Variants in UBE4A observed in about 807,000 individuals in gnomAD.
UBE4A encodes the protein ubiquitination factor E4A.
UBE4A carries 48 observed loss-of-function variants against 117.9 expected under a neutral mutation model. That is an observed-to-expected ratio of 0.41 (90% confidence interval 0.32 to 0.52). The LOEUF (loss-of-function observed/expected upper bound fraction) is 0.52. Ranked by LOEUF, UBE4A falls within the 20% of genes least tolerant of loss-of-function variation. The probability of loss-of-function intolerance (pLI) is 0.33; values close to 1 mark genes in which losing one functional copy is unlikely to be tolerated. For synonymous variants in UBE4A, 407 were observed against 450.0 expected (o/e 0.90, Z 1.21); for missense variants, 1,067 against 1,296.3 (o/e 0.82, Z 2.72).
Position 118,379,449 on chromosome 11 carries a change from G to T in UBE4A, c.1575G>T (p.Leu525Phe). The change falls in exon 11 of 20, where the codon TTG becomes TTT. Residue 525 changes from leucine (L) to phenylalanine (F), a missense_variant. By Grantham distance (22) the Leu-to-Phe change is conservative. This residue lies in a region of UBE4A where 1,001 missense variants were observed against 1,184.0 expected (regional missense o/e 0.85). Transcript: ENST00000252108. ...EYTLYLGFHR[L>F]HDQMVKINQN... ...TCTTCTGCTTTCTTGGGGGCAGGTT[G>T]CATGATCAGATGGTAAAAATCAACC... 5 of 1,611,302 alleles carry T rather than the reference G, an allele frequency of 3.1e-6. No homozygotes were observed. Among genetic ancestry groups the T allele is most frequent in the Non-Finnish European group, 4.2e-6 (5 of 1,178,086 alleles).
At chr11:118,396,233 G>C in intron 19 of UBE4A, 81 bp from the exon 20 acceptor site, 4 of 1,514,342 alleles carry the variant, frequency 2.6e-6, no homozygotes, top group Non-Finnish European at 3.5e-6. Context: ...CTTAAGATGC[G>C]ACGCCCAGGT....
Position 118,369,466 on chromosome 11 carries a change from T to C in UBE4A, c.339T>C (p.Cys113=), listed in dbSNP as rs764524585. 2.5e-6 allele frequency: 4 copies of C among 1,614,062 alleles called. No homozygotes were observed. The highest frequency in any genetic ancestry group is 1.7e-6 in the Non-Finnish European group (2 of 1,180,024). The part of the protein sequence containing the change: ...LKSGNGIPSR[C]VYLEEMAVEL... ...GCGGGAATGGCATCCCTAGCCGTTG[T>C]GTGTATTTGGAAGAAATGGCAGTAG... Residue 113 remains cysteine (C), a synonymous_variant, in exon 4 of 20, where the codon TGT becomes TGC. Coordinates refer to ENST00000252108, the MANE Select transcript of UBE4A (RefSeq NM_001204077.2).
rs1948639246 is a variant in UBE4A, at chr11:118,375,045, A to G, written c.1266A>G (p.Pro422=). ...GRTKIWANQM[P]EIFFQMYASD... Reference sequence around the variant, plus strand: ...CCAAGATTTGGGCCAATCAGATGCCAGAAATCTTTTTCCAAATGTATGCCT... The same window carrying G: ...CCAAGATTTGGGCCAATCAGATGCCGGAAATCTTTTTCCAAATGTATGCCT... Residue 422 remains proline (P), a synonymous_variant, in exon 9 of 20, where the codon CCA becomes CCG. Transcript: ENST00000252108. 2 of 1,614,096 alleles carry G rather than the reference A, an allele frequency of 1.2e-6. No homozygotes were observed. Among genetic ancestry groups the G allele is most frequent in the Non-Finnish European group, 1.7e-6 (2 of 1,180,040 alleles).
chr11:118,394,056 C>G (rs1438447135), intron 19 of UBE4A, among the ~76,000 whole-genome samples: 1 of 152,174 alleles, frequency 6.6e-6, no homozygotes, highest in Non-Finnish European at 1.5e-5. Context: ...AGGAATGAAG[C>G]AATAAATGGT....
intron 8 of UBE4A, among the ~76,000 whole-genome samples, chr11:118,374,113 C>CA (rs549023556): frequency 0.028 from 4,067 of 143,158 alleles, 75 homozygotes; most frequent in Non-Finnish European, 0.039. Flanking sequence ...GACTCTGTCT[C>CA]AAAAAAAAAA....
rs1948684193 is a variant in UBE4A at position 118,379,711 on chromosome 11, C to T, written c.1837C>T (p.Pro613Ser). The change falls in exon 11 of 20, where the codon CCT becomes TCT. Residue 613 changes from proline to serine, a missense_variant. Transcript: ENST00000252108. ...EGSQPIELTF[P>S]LPDGYSSLAY... is the part of the protein sequence containing the mutation. Reference sequence around the variant, plus strand: ...CTCACAGCCAATAGAGCTAACCTTTCCTTTGCCAGATGGCTACAGCTCTTT... The same window carrying T: ...CTCACAGCCAATAGAGCTAACCTTTTCTTTGCCAGATGGCTACAGCTCTTT... 5 of 1,612,714 alleles carry T rather than the reference C, an allele frequency of 3.1e-6. No homozygotes were observed. In the South Asian group the frequency reaches 5.5e-5, roughly 18 times the overall value.
intron 19 of UBE4A, 92 bp downstream of exon 19, chr11:118,392,987 C>T (rs1948833712): frequency 8.2e-7 from 1 of 1,222,444 alleles, no homozygotes. Context: ...ACTTTGCACC[C>T]AACACATACC....
intron 1 of UBE4A, among the ~76,000 whole-genome samples, chr11:118,364,464 A>T (rs1242899610): frequency 6.6e-6 from 1 of 152,122 alleles, no homozygotes; most frequent in Non-Finnish European, 1.5e-5. Flanking sequence ...AATCTATGTT[A>T]AAAACCCACA....
intron 4 of UBE4A, among the ~76,000 whole-genome samples, chr11:118,371,305 T>G (rs1383709476): frequency 6.6e-6 from 1 of 152,176 alleles, no homozygotes; most frequent in African/African-American, 2.4e-5. Flanking sequence ...TACTAGACAC[T>G]TGAGGCTTGA....
intron 5 of UBE4A, 29 bp from the exon 6 acceptor site, chr11:118,372,478 A>G (rs779933402): frequency 4.4e-6 from 7 of 1,592,640 alleles, no homozygotes; most frequent in South Asian, 1.1e-5. Context: ...GAGTTAGACT[A>G]TTCCCTCTTT....
In UBE4A at chr11:118,392,647, A is replaced by G. The variant is rs541027738; in HGVS notation, c.2917-91A>G. On this transcript the variant is annotated intron_variant, in intron 18 of 19. Coordinates refer to ENST00000252108, the MANE Select transcript of UBE4A (RefSeq NM_001204077.2). Reference sequence around the variant, plus strand: ...AGGGTTATTAATGACCTGTTTTTTTATTTTTGAGATGGAGTCTTGCTCTGT... The same window carrying G: ...AGGGTTATTAATGACCTGTTTTTTTGTTTTTGAGATGGAGTCTTGCTCTGT... 8 of 1,304,820 alleles carry G rather than the reference A, an allele frequency of 6.1e-6. No homozygotes were observed. In the African/African-American group the frequency reaches 1.0e-4, roughly 17 times the overall value. The allele number at this position is 1,304,820 out of a possible 1,614,324, so 80.8% of individuals were successfully genotyped here.
At chr11:118,392,672 T>C in intron 18 of UBE4A, 66 bp from the exon 19 acceptor site, 1 of 1,514,262 alleles carries the variant, frequency 6.6e-7, no homozygotes, top group Non-Finnish European at 9.0e-7. Flanking sequence ...TCTTGCTCTG[T>C]CATTGAGCAC....
chr11:118,392,906 C>T lies in UBE4A; in HGVS notation c.3074+11C>T. 1 of 1,610,938 alleles carries T rather than the reference C, an allele frequency of 6.2e-7. No individual in the cohort carries two copies. Among genetic ancestry groups the T allele is most frequent in the Non-Finnish European group, 8.5e-7 (1 of 1,179,064 alleles). On this transcript the variant is annotated intron_variant, in intron 19 of 19. Transcript: ENST00000252108. Reference sequence around the variant, plus strand: ...AAGACATTTGCTCAGGTAGGCCAGTCCCAAAAACAGACTCAAGAGCATATA... The same window carrying T: ...AAGACATTTGCTCAGGTAGGCCAGTTCCAAAAACAGACTCAAGAGCATATA...
At position 118,373,136 on chromosome 11, in the gene UBE4A, T is replaced by C. The variant is rs1410703380; in HGVS notation, c.772T>C (p.Leu258=). The part of the protein sequence containing the change: ...FLEEVIEALI[L]DEEVRTFPEV... Reference sequence around the variant, plus strand: ...GGAAGAGGTCATTGAAGCCTTGATATTGGATGAGGAAGTTAGAACATTTCC... The same window carrying C: ...GGAAGAGGTCATTGAAGCCTTGATACTGGATGAGGAAGTTAGAACATTTCC... Residue 258 remains leucine (L), a synonymous_variant, in exon 7 of 20, where the codon TTG becomes CTG. Transcript: ENST00000252108. The C allele has an allele frequency of 1.9e-6, 3 of 1,614,012 alleles. No homozygotes were observed. The South Asian group carries it at 3.3e-5, about 18-fold the overall frequency.
At chr11:118,369,649 T>C in intron 4 of UBE4A, 114 bp downstream of exon 4, 18 of 286,550 alleles carry the variant, frequency 6.3e-5, no homozygotes, top group South Asian at 3.2e-4. Flanking sequence ...CCTCTCTCTT[T>C]TTTTTTTTTT....
At chr11:118,376,809 G>T in intron 10 of UBE4A, 115 bp downstream of exon 10, 1 of 1,291,744 alleles carries the variant, frequency 7.7e-7, no homozygotes, top group Non-Finnish European at 1.0e-6. Flanking sequence ...CAGGATTTTG[G>T]GAGGCCAAGG....
intron 2 of UBE4A, among the ~76,000 whole-genome samples, chr11:118,366,529 C>T (rs1948564676): frequency 6.6e-6 from 1 of 152,300 alleles, no homozygotes; most frequent in African/African-American, 2.4e-5. Context: ...TTTGGCACCT[C>T]ATCATCCTAG....
intron 11 of UBE4A, 128 bp from the exon 12 acceptor site, chr11:118,381,263 C>A: frequency 8.6e-7 from 1 of 1,161,002 alleles, no homozygotes; most frequent in South Asian, 1.6e-5. Context: ...ACGACCATCT[C>A]TAGTACCAAC....
At chr11:118,365,522 TA>T (rs1948556140) in intron 2 of UBE4A, among the ~76,000 whole-genome samples, 1 of 152,144 alleles carries the variant, frequency 6.6e-6, no homozygotes, top group Non-Finnish European at 1.5e-5. Flanking sequence ...AATCACCTAG[TA>T]AAAGCTATTT....
Sources: gnomAD v4.1 joint callset for allele counts (sites outside exome capture counted in the v4.1 genomes callset) on GRCh38, gnomAD v4.1.1 for gene constraint, gnomAD v4.1.1 regional missense constraint, MANE v1.5 for transcripts, NCBI Gene and HGNC (gene_info 2026-07-23, HGNC 2026-07-21) for gene names.